The following NR3C1 variants were observed in gnomAD, a reference collection of about 807,000 sequenced individuals.
NR3C1 encodes nuclear receptor subfamily 3 group C member 1.
Under a neutral mutation model 74.0 loss-of-function variants are expected in NR3C1, and 14 were observed. The ratio of observed to expected loss-of-function variants is 0.19; its 90% CI spans 0.12 to 0.30. The LOEUF is 0.30. NR3C1 is among the 10% of genes least tolerant of loss of function. The pLI is 1.00. For synonymous variants in NR3C1, 308 were observed against 332.5 expected, an observed-to-expected ratio of 0.93 and a Z score of 0.80; for missense variants, 695 against 909.8, an observed-to-expected ratio of 0.76 and a Z score of 3.04.
intron 2 of NR3C1, among the ~76,000 whole-genome samples, chr5:143,342,258 G>A (rs961413772): frequency 2.0e-5 from 3 of 152,148 alleles, no homozygotes; most frequent in African/African-American, 2.4e-5. Context: ...TTAGTACGTG[G>A]CAGGCACTAT....
chr5:143,403,749 G>C, upstream of NR3C1: 1 of 984,652 alleles, frequency 1.0e-6, no homozygotes, highest in Non-Finnish European at 1.2e-6. Flanking sequence ...CTCCCCGCCC[G>C]AGGGGCCGCG....
chr5:143,379,775 A>G (rs149106741), intron 2 of NR3C1, among the ~76,000 whole-genome samples: 9 of 152,318 alleles, frequency 5.9e-5, no homozygotes, highest in African/African-American at 2.2e-4. Flanking sequence ...TTCACCATTC[A>G]TTGCTACAGC....
intron 1 of NR3C1, among the ~76,000 whole-genome samples, chr5:143,408,743 T>C (rs1414768222): frequency 6.6e-6 from 1 of 152,184 alleles, no homozygotes; most frequent in African/African-American, 2.4e-5. Context: ...ATCATAACAA[T>C]GCTCAAAAAG....
At position 143,278,146 on chromosome 5, in the gene NR3C1, G is replaced by C. The variant is rs1200501846; in HGVS notation, c.*3743C>G. On this transcript the variant is annotated 3_prime_UTR_variant, in exon 9 of 9. Coordinates refer to ENST00000394464, the MANE Select transcript of NR3C1 (RefSeq NM_000176.3). Reference sequence around the variant, plus strand: ...AAAAGACACTTTTTTTTTAACTACAGATTATTATTCAGCATGAATAAAAAA... The same window carrying C: ...AAAAGACACTTTTTTTTTAACTACACATTATTATTCAGCATGAATAAAAAA... 1.3e-5 allele frequency: 2 copies of C among 152,012 alleles called. No individual in the cohort carries two copies. The highest frequency in any genetic ancestry group is 2.4e-5 in the African/African-American group (1 of 41,388). The allele number at this position is 152,012 out of a possible 1,614,324, so 9.4% of individuals were successfully genotyped here. A position where few individuals can be genotyped will look rare whatever the true frequency, so the allele number is the denominator to read the frequency against.
In NR3C1 at chr5:143,300,841, T is replaced by C; in HGVS notation, c.1469-78A>G. ...GCTACACAGTTTATTCAAGAAGTAT[T>C]TTTACTTTCTAAAACTATTAAGATG... is the stretch of plus-strand genomic sequence containing the variant. On this transcript the variant is annotated intron_variant, in intron 4 of 8. Transcript: ENST00000394464. The surrounding 1 kb of genome is among the most constrained non-coding windows in gnomAD (Gnocchi z 5.2). The C allele has an allele frequency of 7.7e-7, 1 of 1,300,598 alleles. No homozygotes were observed. Among genetic ancestry groups the C allele is most frequent in the Non-Finnish European group, 1.1e-6 (1 of 929,718 alleles). The allele number at this position is 1,300,598 out of a possible 1,614,324, so 80.6% of individuals were successfully genotyped here.
intron 3 of NR3C1, among the ~76,000 whole-genome samples, chr5:143,311,040 A>G (rs906638486): frequency 2.0e-5 from 3 of 152,224 alleles, no homozygotes; most frequent in Non-Finnish European, 4.4e-5. Flanking sequence ...ATAGGCCACA[A>G]AATTGACCAC....
chr5:143,317,507 G>A (rs952498776), intron 2 of NR3C1, among the ~76,000 whole-genome samples: 5 of 152,060 alleles, frequency 3.3e-5, no homozygotes, highest in Non-Finnish European at 7.4e-5. Flanking sequence ...AGGAACCCTT[G>A]GAACAAAATG....
At chr5:143,344,599 G>A (rs763946270) in intron 2 of NR3C1, among the ~76,000 whole-genome samples, 4 of 152,276 alleles carry the variant, frequency 2.6e-5, no homozygotes, top group Non-Finnish European at 4.4e-5. Flanking sequence ...CTGACTGGGC[G>A]CGGTAGCTCA....
chr5:143,399,618 T>A (rs773842587), intron 2 of NR3C1, 38 bp downstream of exon 2: 3 of 1,379,502 alleles, frequency 2.2e-6, no homozygotes, highest in Non-Finnish European at 3.1e-6. Flanking sequence ...CTACCTTAAA[T>A]GTACCATTCT....
chr5:143,315,469 C>T (rs930535710), intron 2 of NR3C1, among the ~76,000 whole-genome samples: 1 of 152,140 alleles, frequency 6.6e-6, no homozygotes, highest in Non-Finnish European at 1.5e-5. Flanking sequence ...TGCTTATCAT[C>T]TATACAAGTT....
At chr5:143,394,298 C>T (rs568771911) in intron 2 of NR3C1, among the ~76,000 whole-genome samples, 3 of 151,986 alleles carry the variant, frequency 2.0e-5, no homozygotes, top group Non-Finnish European at 2.9e-5. Context: ...ATTCAAAATA[C>T]TGAATTTAAG....
upstream of NR3C1, among the ~76,000 whole-genome samples, chr5:143,406,495 T>C (rs1841118933): frequency 6.6e-6 from 1 of 152,182 alleles, no homozygotes; most frequent in Admixed American, 6.5e-5. Flanking sequence ...AAAAAAATTC[T>C]CATTCTTTAG....
chr5:143,403,749 G>A (rs1600648323), upstream of NR3C1: 2 of 984,652 alleles, frequency 2.0e-6, no homozygotes, highest in African/African-American at 3.5e-5. Context: ...CTCCCCGCCC[G>A]AGGGGCCGCG....
chr5:143,329,067 T>C (rs936385538), intron 2 of NR3C1, among the ~76,000 whole-genome samples: 8 of 152,202 alleles, frequency 5.3e-5, no homozygotes, highest in Non-Finnish European at 1.2e-4. Flanking sequence ...AGTCAGTTTT[T>C]ACACTACTAT....
chr5:143,326,902 T>C (rs1196596637), intron 2 of NR3C1, among the ~76,000 whole-genome samples: 1 of 152,258 alleles, frequency 6.6e-6, no homozygotes, highest in African/African-American at 2.4e-5. Context: ...TCATCTGATG[T>C]GAGCAGATTG....
At chr5:143,324,493 T>C (rs1824119283) in intron 2 of NR3C1, among the ~76,000 whole-genome samples, 1 of 152,186 alleles carries the variant, frequency 6.6e-6, no homozygotes, top group Non-Finnish European at 1.5e-5. Context: ...ACCGTGGGCC[T>C]GGCCCACGAA....
chr5:143,317,004 G>C lies in NR3C1; in HGVS notation c.1185-2836C>G, dbSNP rs116587132. On this transcript the variant is annotated intron_variant, in intron 2 of 8. Coordinates refer to ENST00000394464, the MANE Select transcript of NR3C1 (RefSeq NM_000176.3). ...AGCTGAAAATTTGGAACCTCAATCA[G>C]GCTTTTGGCATCCCTTCAGGCAGTC... Among the ~76,000 whole-genome samples the C allele has an allele frequency of 5.4e-3, 822 of 152,250 alleles. 12 individuals are homozygous for C. Among genetic ancestry groups the C allele is most frequent in the African/African-American group, 0.019 (805 of 41,556 alleles).
At chr5:143,390,910 G>A (rs1358757764) in intron 2 of NR3C1, among the ~76,000 whole-genome samples, 1 of 152,084 alleles carries the variant, frequency 6.6e-6, no homozygotes, top group African/African-American at 2.4e-5. Context: ...ACAGTTAGGT[G>A]TTACTATAGT....
In NR3C1 at chr5:143,343,351, T is replaced by C. The variant is rs10482649; in HGVS notation, c.1185-29183A>G. Among the ~76,000 whole-genome samples, 907 of 152,324 alleles carry C rather than the reference T, an allele frequency of 6.0e-3. 8 individuals are homozygous for C. The highest frequency in any genetic ancestry group is 0.021 in the African/African-American group (862 of 41,562). On this transcript the variant is annotated intron_variant, in intron 2 of 8. Transcript: ENST00000394464. ...AGCTAATTGTCTAGCAGGAGGCAGG[T>C]TGCTTGACCTGATAGTCTCCTCGGG...
Sources: allele counts gnomAD v4.1 joint callset (sites outside exome capture counted in the v4.1 genomes callset), GRCh38; gene constraint gnomAD v4.1.1; non-coding constraint Gnocchi (gnomAD v3.1); transcripts MANE v1.5; gene names NCBI Gene and HGNC (gene_info 2026-07-23, HGNC 2026-07-21).